The following LRP2 variants were observed in gnomAD, a reference collection of about 807,000 sequenced individuals.
The protein encoded by LRP2 is LDL receptor related protein 2.
A neutral mutation model predicts 531.0 loss-of-function variants in LRP2; 172 were observed. The observed-to-expected ratio is 0.32, with a 90% confidence interval of 0.29 to 0.37. LRP2 has a LOEUF of 0.37. LRP2 is among the 10% of genes least tolerant of loss of function. LRP2 has a pLI of 1.00. For missense variants in LRP2, 5,167 were observed against 5,868.3 expected (o/e 0.88, Z 3.90); for synonymous variants, 1,992 against 2,027.6 (o/e 0.98, Z 0.47).
intron 76 of LRP2, among the ~76,000 whole-genome samples, chr2:169,133,892 G>C (rs185370861): frequency 5.9e-5 from 9 of 152,084 alleles, no homozygotes; most frequent in African/African-American, 2.2e-4. Flanking sequence ...CAAATTACCT[G>C]GGCTGTACTG....
Position 169,188,244 on chromosome 2 carries a change from A to G in LRP2, c.9054T>C (p.Cys3018=). The G allele has an allele frequency of 1.2e-6, 2 of 1,614,144 alleles. No homozygotes were observed. Among genetic ancestry groups the G allele is most frequent in the Non-Finnish European group, 1.7e-6 (2 of 1,180,012 alleles). ...KIFRCDRHND[C]GDYSDERGCL... is the part of the protein sequence containing the mutation. ...AGCCCCTCTCGTCGCTATAGTCACC[A>G]CAGTCATTGTGCCGGTCACACCTGT... Residue 3018 remains cysteine, a synonymous_variant, in exon 49 of 79, where the codon TGT becomes TGC. Coordinates refer to ENST00000649046, the MANE Select transcript of LRP2 (RefSeq NM_004525.3).
chr2:169,172,838 T>G (rs1003432047), intron 57 of LRP2, among the ~76,000 whole-genome samples: 1 of 152,174 alleles, frequency 6.6e-6, no homozygotes, highest in South Asian at 2.1e-4. Flanking sequence ...TTGGAAGAAA[T>G]TACACAAGTT....
At chr2:169,227,823 A>G (rs1276785947) in intron 31 of LRP2, among the ~76,000 whole-genome samples, 2 of 152,142 alleles carry the variant, frequency 1.3e-5, no homozygotes, top group Non-Finnish European at 2.9e-5. Flanking sequence ...AATGCTTTAC[A>G]TTTTTCAAGT....
chr2:169,169,603 TA>T, intron 60 of LRP2, 98 bp downstream of exon 60: 1 of 880,826 alleles, frequency 1.1e-6, no homozygotes, highest in South Asian at 1.3e-5. Context: ...AGACAATACT[TA>T]TGGCCTTTTA....
Position 169,174,035 on chromosome 2 carries a change from C to A in LRP2, c.10898G>T (p.Arg3633Met). The A allele has an allele frequency of 6.2e-7, 1 of 1,614,252 alleles. No homozygotes were observed. Residue 3633 changes from arginine (R) to methionine (M), a missense_variant, in exon 56 of 79, where the codon AGG becomes ATG. Transcript: ENST00000649046. The part of the protein sequence containing the change: ...SDEDSSHCAS[R>M]TCRPGQFRCA... ...CCGAAACTGGCCCGGCCGGCAGGTC[C>A]TGCTGGCACAGTGGGAACTGTCTTC... is the stretch of plus-strand genomic sequence containing the variant.
At chr2:169,268,613 A>G (rs1683303630) in intron 16 of LRP2, among the ~76,000 whole-genome samples, 2 of 152,238 alleles carry the variant, frequency 1.3e-5, no homozygotes, top group South Asian at 2.1e-4. Flanking sequence ...CAAAATAATA[A>G]GAGCTATTTA....
At chr2:169,331,637 A>G (rs932419610) in intron 1 of LRP2, among the ~76,000 whole-genome samples, 2 of 152,204 alleles carry the variant, frequency 1.3e-5, no homozygotes, top group African/African-American at 4.8e-5. Flanking sequence ...CAGGATGTTG[A>G]AAAGAACACT....
At chr2:169,270,283 G>A (rs1246970178) in intron 16 of LRP2, among the ~76,000 whole-genome samples, 3 of 152,138 alleles carry the variant, frequency 2.0e-5, no homozygotes, top group Non-Finnish European at 4.4e-5. Flanking sequence ...TATAAATCAT[G>A]CTGCTATAAA....
rs374482623 is a variant in LRP2, at chr2:169,185,836, A to G, written c.9512T>C (p.Ile3171Thr). Reference protein sequence around the residue: ...FVCSQKCENVIGSYICKCAPG... With the variant: ...FVCSQKCENVTGSYICKCAPG... ...GGCACACTTACAGATGTAGGAGCCT[A>G]TTACATTCTCACACTTCTGGCTACA... The change falls in exon 50 of 79, where the codon ATA (isoleucine) becomes ACA (threonine). Residue 3171 changes from isoleucine to threonine, a missense_variant. By Grantham distance (89) the Ile-to-Thr change is moderately conservative. Coordinates refer to ENST00000649046, the MANE Select transcript of LRP2 (RefSeq NM_004525.3). The G allele has an allele frequency of 1.2e-6, 2 of 1,614,076 alleles. No homozygotes were observed. The highest frequency in any genetic ancestry group is 1.1e-5 in the South Asian group (1 of 91,074).
chr2:169,183,232 A>G (rs1168799888), intron 50 of LRP2, among the ~76,000 whole-genome samples: 1 of 152,262 alleles, frequency 6.6e-6, no homozygotes, highest in Non-Finnish European at 1.5e-5. Context: ...TTAACCATTC[A>G]TGCTGGATAT....
chr2:169,269,083 A>G lies in LRP2; in HGVS notation c.2320+1821T>C, dbSNP rs1343270670. ...ACCTCTTCAAGGAGAACTACAAACC[A>G]CTGCTCAGCAAAATAAAAGAGGACA... On this transcript the variant is annotated intron_variant, in intron 16 of 78. Transcript: ENST00000649046. Among the ~76,000 whole-genome samples, 3 of 152,202 alleles carry G rather than the reference A, an allele frequency of 2.0e-5. No homozygotes were observed. In the East Asian group the frequency reaches 5.8e-4, roughly 29 times the overall value.
chr2:169,146,371 A>T (rs1685912293), intron 69 of LRP2, among the ~76,000 whole-genome samples: 1 of 152,338 alleles, frequency 6.6e-6, no homozygotes, highest in East Asian at 1.9e-4. Context: ...ACAGTTGTGC[A>T]TACTGGGCAA....
chr2:169,324,941 A>C (rs542437053), intron 1 of LRP2, among the ~76,000 whole-genome samples: 5 of 152,316 alleles, frequency 3.3e-5, no homozygotes, highest in African/African-American at 1.2e-4. Flanking sequence ...TCAGAGATAT[A>C]GAAAGCTATC....
intron 15 of LRP2, among the ~76,000 whole-genome samples, chr2:169,272,434 A>G (rs2105439800): frequency 6.6e-6 from 1 of 152,256 alleles, no homozygotes; most frequent in Non-Finnish European, 1.5e-5. Flanking sequence ...GAATACAGAG[A>G]GAAAAAATAA....
intron 1 of LRP2, among the ~76,000 whole-genome samples, chr2:169,344,063 T>C (rs1203728071): frequency 6.6e-6 from 1 of 152,140 alleles, no homozygotes; most frequent in Non-Finnish European, 1.5e-5. Flanking sequence ...GAGAATGCAA[T>C]GGCATATTCA....
intron 58 of LRP2, 118 bp from the exon 59 acceptor site, chr2:169,170,785 A>C: frequency 1.3e-6 from 1 of 779,760 alleles, no homozygotes; most frequent in South Asian, 1.4e-5. Context: ...CAAGCCCCAG[A>C]GGTGTGCTTG....
intron 76 of LRP2, among the ~76,000 whole-genome samples, chr2:169,134,221 A>T (rs1685406460): frequency 6.6e-6 from 1 of 152,014 alleles, no homozygotes; most frequent in African/African-American, 2.4e-5. Flanking sequence ...ATACTTTTAG[A>T]GGCCCTAAAA....
At chr2:169,306,426 C>T (rs1238201092) in intron 4 of LRP2, among the ~76,000 whole-genome samples, 2 of 151,990 alleles carry the variant, frequency 1.3e-5, no homozygotes, top group Non-Finnish European at 2.9e-5. Context: ...CCCAGCTACT[C>T]GGGAGGCTGA....
intron 65 of LRP2, 117 bp downstream of exon 65, chr2:169,156,156 TA>T (rs1185909689): frequency 7.5e-4 from 1,037 of 1,385,864 alleles, no homozygotes; most frequent in East Asian, 8.5e-4. Flanking sequence ...CTGGCGAGTT[TA>T]AAAAAAAAGA....
Sources: gnomAD v4.1 joint callset for allele counts (sites outside exome capture counted in the v4.1 genomes callset) on GRCh38, gnomAD v4.1.1 for gene constraint, MANE v1.5 for transcripts, NCBI Gene and HGNC (gene_info 2026-07-23, HGNC 2026-07-21) for gene names.